NCOA2: variants seen among roughly 807,000 people sequenced by gnomAD.
NCOA2 encodes nuclear receptor coactivator 2, also known as class E basic helix-loop-helix protein 75.
A neutral mutation model predicts 145.1 loss-of-function variants in NCOA2; 21 were observed. That is an observed-to-expected ratio of 0.14 (90% CI 0.10 to 0.21). The LOEUF (loss-of-function observed/expected upper bound fraction) is 0.21. NCOA2 is among the 10% of genes least tolerant of loss of function. The pLI, the probability that NCOA2 is intolerant of heterozygous loss-of-function variation, is 1.00. For synonymous variants in NCOA2, 619 were observed against 637.5 expected, an observed-to-expected ratio of 0.97 and a Z score of 0.44; for missense variants, 1,472 against 1,837.6, an observed-to-expected ratio of 0.80 and a Z score of 3.64.
chr8:70,133,634 G>A (rs748763623), intron 15 of NCOA2, among the ~76,000 whole-genome samples: 3 of 152,174 alleles, frequency 2.0e-5, no homozygotes, highest in Non-Finnish European at 2.9e-5. Flanking sequence ...ACTACATGAT[G>A]TTTTGGAGAA....
intron 1 of NCOA2, among the ~76,000 whole-genome samples, chr8:70,310,260 C>T (rs1828211982): frequency 6.8e-6 from 1 of 147,016 alleles, no homozygotes; most frequent in Non-Finnish European, 1.5e-5. Flanking sequence ...ACAAGAATTG[C>T]TTGAATCTAG....
the NCOA2 span, among the ~76,000 whole-genome samples, chr8:70,435,424 C>CAAAAAA: frequency 3.7e-3 from 74 of 20,140 alleles, 8 homozygotes; most frequent in African/African-American, 9.7e-3. Flanking sequence ...GACTCCGTCT[C>CAAAAAA]AAAAAAAAAA....
chr8:70,166,686 C>T lies in NCOA2; in HGVS notation c.610G>A (p.Val204Ile), dbSNP rs374076743. Residue 204 changes from valine (V) to isoleucine (I), a missense_variant, in exon 7 of 23, where the codon GTA becomes ATA. Physicochemically the swap from Val to Ile is conservative, Grantham distance 29. Transcript: ENST00000452400. ...TCTTCTGAATCAGGTAAAGGTTTTA[C>T]CAGCATCCGACAATTGAAGGTATGG... Reference protein sequence around the residue: ...NSHTFNCRMLVKPLPDSEEEG... With the variant: ...NSHTFNCRMLIKPLPDSEEEG... 245 of 1,613,880 alleles carry T rather than the reference C, an allele frequency of 1.5e-4. No individual in the cohort carries two copies. Among genetic ancestry groups the T allele is most frequent in the Non-Finnish European group, 1.9e-4 (225 of 1,179,884 alleles).
At chr8:70,451,237 A>AAAAATATATATAT in the NCOA2 span, among the ~76,000 whole-genome samples, 1 of 69,526 alleles carries the variant, frequency 1.4e-5, no homozygotes, top group African/African-American at 7.6e-5. Flanking sequence ...AAAAAAAAAA[A>AAAAATATATATAT]ATATATATAT....
intron 2 of NCOA2, among the ~76,000 whole-genome samples, chr8:70,291,885 G>A (rs1489897964): frequency 6.6e-6 from 1 of 152,004 alleles, no homozygotes; most frequent in Admixed American, 6.6e-5. Flanking sequence ...GGATCACAAG[G>A]TCAGTAGATT....
At chr8:70,447,677 G>GTTTTTTTTTTTTT in the NCOA2 span, among the ~76,000 whole-genome samples, 1 of 94,660 alleles carries the variant, frequency 1.1e-5, no homozygotes, top group African/African-American at 5.2e-5. Context: ...TTAGGTCTTT[G>GTTTTTTTTTTTTT]TTTTCTTTTT....
At chr8:70,191,735 T>C (rs1212380295) in intron 4 of NCOA2, among the ~76,000 whole-genome samples, 4 of 152,102 alleles carry the variant, frequency 2.6e-5, no homozygotes, top group Non-Finnish European at 5.9e-5. Flanking sequence ...AGAGATAAAC[T>C]GAGGGGTTTC....
At position 70,315,338 on chromosome 8, in the gene NCOA2, C is replaced by T. The variant is rs182648615; in HGVS notation, c.-76-18538G>A. Reference sequence around the variant, plus strand: ...AACAAACAGAATAACCTCTTAGAGACCCAAAAGAAAATACATTAAAACACT... The same window carrying T: ...AACAAACAGAATAACCTCTTAGAGATCCAAAAGAAAATACATTAAAACACT... On this transcript the variant is annotated intron_variant, in intron 1 of 22. Transcript: ENST00000452400. Among the ~76,000 whole-genome samples the T allele has an allele frequency of 2.7e-3, 415 of 152,184 alleles. 1 individual carries two copies. Among genetic ancestry groups the T allele is most frequent in the African/African-American group, 9.1e-3 (378 of 41,534 alleles).
chr8:70,384,689 A>C (rs978782399), intron 1 of NCOA2, among the ~76,000 whole-genome samples: 4 of 152,192 alleles, frequency 2.6e-5, no homozygotes, highest in African/African-American at 9.6e-5. Flanking sequence ...AATAACCCCC[A>C]AATTTTTTCC....
Position 70,156,718 on chromosome 8 carries a change from C to T in NCOA2, c.1647G>A (p.Gly549=), listed in dbSNP as rs759531267. 5.6e-6 allele frequency: 9 copies of T among 1,613,964 alleles called. 1 individual carries two copies. The South Asian group carries it at 9.9e-5, about 18-fold the overall frequency. ...ALSEGHGVSL[G]SSLASPDLKM... The stretch of plus-strand genomic sequence containing the variant: ...TTAGGTCTGGTGAAGCCAACGATGA[C>T]CCTAATGAGACCCCGTGCCCCTCGC... Residue 549 remains glycine, a synonymous_variant, in exon 11 of 23, where the codon GGG becomes GGA. Coordinates refer to ENST00000452400, the MANE Select transcript of NCOA2 (RefSeq NM_006540.4).
upstream of NCOA2, among the ~76,000 whole-genome samples, chr8:70,404,250 T>C (rs78574007): frequency 0.029 from 4,379 of 152,132 alleles, 212 homozygotes; most frequent in African/African-American, 0.1. Context: ...GAGGACTGCA[T>C]GGGAGGGCAA....
chr8:70,271,496 G>GT (rs925414151), intron 2 of NCOA2, among the ~76,000 whole-genome samples: 119 of 152,276 alleles, frequency 7.8e-4, no homozygotes, highest in African/African-American at 2.7e-3. Context: ...CCTTAATAAA[G>GT]TAAGATTTTT....
At chr8:70,194,567 C>T (rs1817064375) in intron 4 of NCOA2, among the ~76,000 whole-genome samples, 1 of 151,756 alleles carries the variant, frequency 6.6e-6, no homozygotes, top group Admixed American at 6.6e-5. Context: ...CATAGGGGTA[C>T]AAAATGAATG....
chr8:70,331,360 G>A (rs1345934994), intron 1 of NCOA2, among the ~76,000 whole-genome samples: 1 of 151,990 alleles, frequency 6.6e-6, no homozygotes, highest in Non-Finnish European at 1.5e-5. Flanking sequence ...ATGTGTCCTT[G>A]AATTTACTCT....
chr8:70,419,000 A>G, the NCOA2 span, among the ~76,000 whole-genome samples: 2 of 151,862 alleles, frequency 1.3e-5, no homozygotes. Context: ...TGCTTCCATC[A>G]GTGTGTATAA....
the NCOA2 span, among the ~76,000 whole-genome samples, chr8:70,453,809 G>C: frequency 6.6e-6 from 1 of 152,142 alleles, no homozygotes; most frequent in Non-Finnish European, 1.5e-5. Flanking sequence ...AGACTTTACA[G>C]TCAAGTTGAA....
intron 4 of NCOA2, among the ~76,000 whole-genome samples, chr8:70,190,835 G>C (rs1047911974): frequency 1.3e-5 from 2 of 151,918 alleles, no homozygotes; most frequent in East Asian, 3.9e-4. Flanking sequence ...GTGAGACTCT[G>C]TCTCCAAAAA....
intron 7 of NCOA2, 80 bp downstream of exon 7, chr8:70,166,486 G>A (rs2132525987): frequency 1.4e-6 from 2 of 1,468,596 alleles, no homozygotes; most frequent in East Asian, 2.3e-5. Context: ...TTCTTTGGGT[G>A]ACCACTAATT....
At chr8:70,169,890 AATCATCATC>A (rs56144437) in intron 6 of NCOA2, among the ~76,000 whole-genome samples, 9 of 150,070 alleles carry the variant, frequency 6.0e-5, no homozygotes, top group Admixed American at 5.3e-4. Context: ...TGCCAAGCAA[AATCATCATC>A]ATCATCATCA....
Sources: allele counts gnomAD v4.1 joint callset (sites outside exome capture counted in the v4.1 genomes callset), GRCh38; gene constraint gnomAD v4.1.1; transcripts MANE v1.5; gene names NCBI Gene and HGNC (gene_info 2026-07-23, HGNC 2026-07-21).